The following SLC12A2 variants were observed in gnomAD, a reference collection of about 807,000 sequenced individuals.
SLC12A2 encodes solute carrier family 12 member 2, also known as Na-K-2Cl cotransporter 1.
In SLC12A2, 67 loss-of-function variants were observed where a neutral mutation model predicts 136.3. That is an observed-to-expected ratio of 0.49 (90% CI 0.40 to 0.60). The LOEUF is 0.60. Among genes scored for constraint, SLC12A2 ranks in the 20% least tolerant of loss-of-function variants. SLC12A2 has a pLI of 0.00. For synonymous variants in SLC12A2, 619 were observed against 562.9 expected, an observed-to-expected ratio of 1.10 and a Z score of -1.41; for missense variants, 1,322 against 1,534.7, an observed-to-expected ratio of 0.86 and a Z score of 2.32.
chr5:128,121,161 T>C (rs1225307453), intron 4 of SLC12A2, among the ~76,000 whole-genome samples: 1 of 152,194 alleles, frequency 6.6e-6, no homozygotes, highest in African/African-American at 2.4e-5. Flanking sequence ...AGTTGTACTT[T>C]GTTATTAACT....
chr5:128,155,521 CA>C (rs1311354032), intron 15 of SLC12A2, among the ~76,000 whole-genome samples: 1 of 152,150 alleles, frequency 6.6e-6, no homozygotes, highest in East Asian at 1.9e-4. Context: ...TTCTTTGCTA[CA>C]TAGCTTTTTT....
Position 128,109,007 on chromosome 5 carries a change from A to G in SLC12A2, c.757-3807A>G, listed in dbSNP as rs566510854. The stretch of plus-strand genomic sequence containing the variant: ...ATCTCTTTTGAAAAATGTATGAACT[A>G]CTATCCTAAATGTTTAACATTAAAC... On this transcript the variant is annotated intron_variant, in intron 1 of 26. Coordinates refer to ENST00000262461, the MANE Select transcript of SLC12A2 (RefSeq NM_001046.3). Among the ~76,000 whole-genome samples the G allele has an allele frequency of 5.3e-5, 8 of 152,344 alleles. No homozygotes were observed. In the East Asian group the frequency reaches 7.7e-4, roughly 15 times the overall value.
At chr5:128,138,522 CTAT>C in intron 7 of SLC12A2, 72 bp from the exon 8 acceptor site, 1 of 1,338,256 alleles carries the variant, frequency 7.5e-7, no homozygotes, top group Non-Finnish European at 1.0e-6. Flanking sequence ...TCATGTATAC[CTAT>C]TATTCTTGAC....
chr5:128,150,053 T>G lies in SLC12A2; in HGVS notation c.2062T>G (p.Leu688Val), dbSNP rs768620752. The G allele has an allele frequency of 6.2e-7, 1 of 1,610,880 alleles. No homozygotes were observed. Among genetic ancestry groups the G allele is most frequent in the Non-Finnish European group, 8.5e-7 (1 of 1,178,462 alleles). The change falls in exon 13 of 27, where the codon TTG becomes GTG. Residue 688 changes from leucine (L) to valine (V), a missense_variant. Leu to Val is a conservative substitution (Grantham distance 32). Transcript: ENST00000262461. ...ISNFFLASYA[L>V]INFSVFHASL... ...AAACTTCTTCCTTGCATCATATGCATTGATCAATTTTTCAGTATTCCATGC... is the reference window on the plus strand; with the variant it reads ...AAACTTCTTCCTTGCATCATATGCAGTGATCAATTTTTCAGTATTCCATGC...
chr5:128,163,251 G>A (rs578133316), intron 17 of SLC12A2, among the ~76,000 whole-genome samples: 25 of 152,236 alleles, frequency 1.6e-4, no homozygotes, highest in South Asian at 1.0e-3. Context: ...ACTTCAGGCC[G>A]GGCACAGTGG....
Position 128,114,199 on chromosome 5 carries a change from T to A in SLC12A2, c.877-13T>A. 1 of 1,604,540 alleles carries A rather than the reference T, an allele frequency of 6.2e-7. No homozygotes were observed. The highest frequency in any genetic ancestry group is 8.5e-7 in the Non-Finnish European group (1 of 1,172,126). ...TTCTTCCTCTGTGTCTTGGCCTCTT[T>A]TTCCCTCTTTAGGTACGTTGTATGT... On this transcript the variant is annotated splice_polypyrimidine_tract_variant and intron_variant, in intron 2 of 26. Transcript: ENST00000262461.
intron 22 of SLC12A2, among the ~76,000 whole-genome samples, chr5:128,180,307 C>T (rs573421278): frequency 2.1e-3 from 313 of 152,188 alleles, no homozygotes; most frequent in Non-Finnish European, 2.8e-3. Flanking sequence ...AGAAGATGTT[C>T]CAGGCTCAGT....
chr5:128,095,382 A>G (rs1258435967), intron 1 of SLC12A2, among the ~76,000 whole-genome samples: 5 of 152,172 alleles, frequency 3.3e-5, no homozygotes, highest in South Asian at 4.2e-4. Context: ...TGTCTTCAAG[A>G]TAATACCTGG....
chr5:128,184,574 A>G, intron 25 of SLC12A2, 73 bp downstream of exon 25: 1 of 1,362,070 alleles, frequency 7.3e-7, no homozygotes, highest in African/African-American at 1.5e-5. Flanking sequence ...CTTTAATTTG[A>G]TATAGGAGGG....
At chr5:128,138,255 CCT>C (rs1223017861) in intron 7 of SLC12A2, among the ~76,000 whole-genome samples, 1 of 152,106 alleles carries the variant, frequency 6.6e-6, no homozygotes. Flanking sequence ...TGTTTTTCTA[CCT>C]CCCTTCTTGC....
intron 12 of SLC12A2, 132 bp from the exon 13 acceptor site, chr5:128,149,863 ACT>A: frequency 4.4e-6 from 3 of 684,376 alleles, no homozygotes; most frequent in South Asian, 3.3e-5. Context: ...TATATGGCAA[ACT>A]CTAAATGTTT....
chr5:128,173,703 A>G (rs528216027), intron 19 of SLC12A2, among the ~76,000 whole-genome samples: 1 of 152,270 alleles, frequency 6.6e-6, no homozygotes, highest in East Asian at 1.9e-4. Context: ...TAAAAAGAAG[A>G]TTAAGGCCTG....
chr5:128,140,991 A>G (rs965255692), intron 9 of SLC12A2, among the ~76,000 whole-genome samples: 54 of 150,074 alleles, frequency 3.6e-4, no homozygotes, highest in African/African-American at 1.2e-3. Flanking sequence ...ACCTCAATAT[A>G]TGATGAAATA....
rs141683516 is a variant in SLC12A2, at chr5:128,171,691, A to T, written c.2748A>T (p.Gly916=). 1.6e-3 allele frequency: 2,572 copies of T among 1,586,682 alleles called. 23 individuals are homozygous for T. Among genetic ancestry groups the T allele is most frequent in the South Asian group, 0.014 (1,207 of 85,514 alleles). ...LFHDAFDIQY[G]VVVIRLKEGL... is the part of the protein sequence containing the mutation. ...GTGATGCTTTTGACATACAATATGG[A>T]GTAGTGGTTATTCGCCTAAAAGAAG... Residue 916 remains glycine, a synonymous_variant, in exon 19 of 27, where the codon GGA becomes GGT. Transcript: ENST00000262461.
chr5:128,115,974 A>T (rs1292615345), intron 4 of SLC12A2, among the ~76,000 whole-genome samples: 1 of 152,202 alleles, frequency 6.6e-6, no homozygotes, highest in Non-Finnish European at 1.5e-5. Context: ...TGCTTCTGTT[A>T]GCCTGGATTG....
intron 4 of SLC12A2, among the ~76,000 whole-genome samples, chr5:128,116,050 T>C (rs1331846792): frequency 6.6e-6 from 1 of 152,202 alleles, no homozygotes; most frequent in Non-Finnish European, 1.5e-5. Context: ...TGAGAGATTC[T>C]TTTTGGCTTC....
At chr5:128,107,265 T>A (rs1760974836) in intron 1 of SLC12A2, among the ~76,000 whole-genome samples, 1 of 152,060 alleles carries the variant, frequency 6.6e-6, no homozygotes, top group Admixed American at 6.6e-5. Context: ...CTAGTCATAT[T>A]TTTTTTTCTT....
At chr5:128,160,168 C>T (rs1250182773) in intron 16 of SLC12A2, among the ~76,000 whole-genome samples, 2 of 151,842 alleles carry the variant, frequency 1.3e-5, no homozygotes, top group Admixed American at 6.6e-5. Context: ...TGTTCTCACT[C>T]ATAAGTGGGA....
Position 128,084,247 on chromosome 5 carries a change from C to T in SLC12A2, c.293C>T (p.Ala98Val), listed in dbSNP as rs780314021. 4.1e-6 allele frequency: 5 copies of T among 1,232,040 alleles called. 1 individual carries two copies. The highest frequency in any genetic ancestry group is 5.6e-4 in the Middle Eastern group (2 of 3,548). 76.3% of individuals were successfully genotyped at this position (1,232,040 alleles called of 1,614,324 possible). ...GCCGGGCGGGCCGCTGCTGCGGCGG[C>T]GGCGGCGGCGGCGGCAGCGGCGGCG... is the stretch of plus-strand genomic sequence containing the variant. ...ENAGRAAAAA[A>V]AAAAAAAAAG... The change falls in exon 1 of 27, where the codon GCG (alanine) becomes GTG (valine). Residue 98 changes from alanine to valine, a missense_variant. This residue lies in a region of SLC12A2 where 358 missense variants were observed against 299.7 expected (regional missense o/e 1.19). Coordinates refer to ENST00000262461, the MANE Select transcript of SLC12A2 (RefSeq NM_001046.3). The surrounding 1 kb of genome is among the most constrained non-coding windows in gnomAD (Gnocchi z 5.6).
Sources: allele counts gnomAD v4.1 joint callset (sites outside exome capture counted in the v4.1 genomes callset), GRCh38; gene constraint gnomAD v4.1.1; regional missense constraint gnomAD v4.1.1; non-coding constraint Gnocchi (gnomAD v3.1); transcripts MANE v1.5; gene names NCBI Gene and HGNC (gene_info 2026-07-23, HGNC 2026-07-21).